Variants in RNF34 observed in about 807,000 individuals in gnomAD.
The protein encoded by RNF34 is ring finger protein 34, also known as E3 ubiquitin-protein ligase RNF34.
Under a neutral mutation model 37.9 loss-of-function variants are expected in RNF34, and 12 were observed. The observed-to-expected ratio is 0.32, with a 90% CI of 0.20 to 0.51. The LOEUF (loss-of-function observed/expected upper bound fraction) is 0.51. RNF34 is among the 20% of genes least tolerant of loss of function. The pLI, the probability that RNF34 is intolerant of heterozygous loss-of-function variation, is 0.97. For synonymous variants in RNF34, 155 were observed against 177.2 expected, an observed-to-expected ratio of 0.87 and a Z score of 1.00; for missense variants, 362 against 472.7, an observed-to-expected ratio of 0.77 and a Z score of 2.17.
chr12:121,421,067 G>A (rs574828140), intron 5 of RNF34, among the ~76,000 whole-genome samples: 16 of 151,962 alleles, frequency 1.1e-4, no homozygotes, highest in African/African-American at 2.7e-4. Context: ...TAAATTCCTC[G>A]TCTCTGTAAA....
chr12:121,413,777 G>A (rs1465458056), intron 1 of RNF34, among the ~76,000 whole-genome samples: 3 of 151,666 alleles, frequency 2.0e-5, no homozygotes, highest in South Asian at 2.1e-4. Flanking sequence ...AGGTTTCACC[G>A]TGTTGGCCAG....
Position 121,423,470 on chromosome 12 carries a change from T to C in RNF34, c.1013T>C (p.Leu338Pro). Residue 338 changes from leucine (L) to proline (P), a missense_variant, in exon 6 of 6, where the codon CTG becomes CCG. By Grantham distance (98) the Leu-to-Pro change is moderately conservative (BLOSUM62 -3). Transcript: ENST00000361234. This position sits in a 1 kb window ranked among gnomAD's most constrained non-coding sequence, Gnocchi z 4.3. ...GATGCCGTCATCGACTGTGTCCTAC[T>C]GGAGTGTGGGCACATGGTTACCTGC... is the stretch of plus-strand genomic sequence containing the variant. ...CMDAVIDCVL[L>P]ECGHMVTCTK... 6.2e-7 allele frequency: 1 copy of C among 1,613,848 alleles called. No individual in the cohort carries two copies.
intron 1 of RNF34, chr12:121,409,716 T>G (rs983866552): frequency 1.3e-5 from 2 of 152,184 alleles, no homozygotes; most frequent in African/African-American, 4.8e-5. Flanking sequence ...ACCATTCTCT[T>G]AAGGGCAGTT....
At chr12:121,411,998 TTTTAAGAG>T (rs1871106105) in intron 1 of RNF34, among the ~76,000 whole-genome samples, 1 of 152,220 alleles carries the variant, frequency 6.6e-6, no homozygotes, top group East Asian at 1.9e-4. Context: ...GTTTTTCCAG[TTTTAAGAG>T]TGCATACTCT....
intron 1 of RNF34, among the ~76,000 whole-genome samples, chr12:121,408,722 A>G (rs951313120): frequency 6.6e-6 from 1 of 152,228 alleles, no homozygotes; most frequent in South Asian, 2.1e-4. Context: ...GGAGGTGAAG[A>G]AGGACAAAAA....
intron 5 of RNF34, among the ~76,000 whole-genome samples, chr12:121,421,459 G>A (rs1872157891): frequency 6.6e-6 from 1 of 151,354 alleles, no homozygotes; most frequent in African/African-American, 2.4e-5. Context: ...AGGCTGAGGG[G>A]GGAGGATTGC....
At chr12:121,405,371 T>G (rs1555280538) in intron 1 of RNF34, among the ~76,000 whole-genome samples, 1 of 151,398 alleles carries the variant, frequency 6.6e-6, no homozygotes, top group African/African-American at 2.5e-5. Context: ...AACTAGCTGG[T>G]AAGCTGCTCT....
chr12:121,413,111 C>T (rs943181792), intron 1 of RNF34, among the ~76,000 whole-genome samples: 2 of 148,570 alleles, frequency 1.3e-5, no homozygotes, highest in African/African-American at 2.6e-5. Context: ...CTGCAACCTC[C>T]GCCTCCCCGG....
intron 3 of RNF34, 150 bp downstream of exon 3, chr12:121,418,061 G>A: frequency 1.2e-6 from 1 of 847,616 alleles, no homozygotes; most frequent in Non-Finnish European, 1.8e-6. Flanking sequence ...TGCACTTAAA[G>A]GCTGTCCTGA....
intron 2 of RNF34, 55 bp downstream of exon 2, chr12:121,416,432 T>C (rs1871582501): frequency 8.3e-7 from 1 of 1,200,530 alleles, no homozygotes; most frequent in Non-Finnish European, 1.2e-6. Context: ...TTCTTGATTG[T>C]AGGTTATTTT....
intron 1 of RNF34, among the ~76,000 whole-genome samples, chr12:121,403,932 C>T (rs753638123): frequency 4.0e-5 from 6 of 150,174 alleles, no homozygotes; most frequent in African/African-American, 9.7e-5. Context: ...TAGACTCTTA[C>T]GAGAAGAGTC....
chr12:121,421,342 G>A (rs1872107893), intron 5 of RNF34, among the ~76,000 whole-genome samples: 1 of 128,462 alleles, frequency 7.8e-6, no homozygotes, highest in Non-Finnish European at 1.6e-5. Flanking sequence ...TTTGAGACCA[G>A]CCTGGGCAAC....
intron 1 of RNF34, among the ~76,000 whole-genome samples, chr12:121,402,188 A>G (rs781873284): frequency 6.6e-6 from 1 of 152,242 alleles, no homozygotes; most frequent in Non-Finnish European, 1.5e-5. Context: ...CTATAATCCC[A>G]GCACTTTGGG....
rs1371165959 is a variant in RNF34 at position 121,402,728 on chromosome 12, T to C, written c.6+2510T>C. The C allele has an allele frequency of 1.9e-6, 3 of 1,563,770 alleles. No individual in the cohort carries two copies. The African/African-American group carries it at 4.1e-5, about 21-fold the overall frequency. ...ACTGAATGTAATTCCTTTTCCTTTTTTTTTCTCTGAAAGGTGGGGGAGTGG... is the reference window on the plus strand; with the variant it reads ...ACTGAATGTAATTCCTTTTCCTTTTCTTTTCTCTGAAAGGTGGGGGAGTGG... On this transcript the variant is annotated intron_variant, in intron 1 of 5. Transcript: ENST00000361234.
rs35925457 is a variant in RNF34 at position 121,421,371 on chromosome 12, T to TACAAAAAAAAAA, written c.928+594_928+595insCAAAAAAAAAAA. Among the ~76,000 whole-genome samples, 4 of 46,378 alleles carry TACAAAAAAAAAA rather than the reference T, an allele frequency of 8.6e-5. 1 individual carries two copies. Among genetic ancestry groups the TACAAAAAAAAAA allele is most frequent in the African/African-American group, 2.7e-4 (4 of 14,724 alleles). The allele number at this position is 46,378 out of a possible 152,430, so 30.4% of individuals were successfully genotyped here. On this transcript the variant is annotated intron_variant, in intron 5 of 5. Transcript: ENST00000361234. Reference sequence around the variant, plus strand: ...GGGCAACATAGAGAGATCCCATCTCTAAAAAAAAAAAAAAAAAAAAAAAAA... The same window carrying TACAAAAAAAAAA: ...GGGCAACATAGAGAGATCCCATCTCTACAAAAAAAAAAAAAAAAAAAAAAAAAAAAAAAAAAA...
intron 1 of RNF34, among the ~76,000 whole-genome samples, chr12:121,413,723 C>T (rs1351519780): frequency 3.3e-5 from 5 of 151,690 alleles, no homozygotes; most frequent in African/African-American, 7.3e-5. Context: ...GACTACAGGC[C>T]CCACCAGCAT....
chr12:121,404,387 CTTTTTTTTTTTT>C lies in RNF34; in HGVS notation c.6+4183_6+4194del, dbSNP rs782225104. Reference sequence around the variant, plus strand: ...CTCTTGTGTCTGGCTGTCATTTAATCTTTTTTTTTTTTTTTTTTTTTTTTTGAGATGGAGTCT... The same window carrying C: ...CTCTTGTGTCTGGCTGTCATTTAATCTTTTTTTTTTTTTGAGATGGAGTCT... On this transcript the variant is annotated intron_variant, in intron 1 of 5. Coordinates refer to ENST00000361234, the MANE Select transcript of RNF34 (RefSeq NM_025126.4). Among the ~76,000 whole-genome samples the C allele has an allele frequency of 7.6e-5, 5 of 65,848 alleles. No individual in the cohort carries two copies. In the East Asian group the frequency reaches 1.7e-3, roughly 23 times the overall value. 43.2% of individuals were successfully genotyped at this position (65,848 alleles called of 152,430 possible). A position where few individuals can be genotyped will look rare whatever the true frequency, so the allele number is the denominator to read the frequency against.
At chr12:121,410,947 GTTTT>G (rs1779455097) in intron 1 of RNF34, among the ~76,000 whole-genome samples, 1 of 152,078 alleles carries the variant, frequency 6.6e-6, no homozygotes, top group South Asian at 2.1e-4. Context: ...TTTGTTGTTT[GTTTT>G]TGAGACAGGG....
chr12:121,408,814 G>A (rs75522792), intron 1 of RNF34, among the ~76,000 whole-genome samples: 1,890 of 152,246 alleles, frequency 0.012, 46 homozygotes, highest in African/African-American at 0.043. Context: ...ACAAGAAAAC[G>A]TGCAGAGGAG....
Sources: allele counts gnomAD v4.1 joint callset (sites outside exome capture counted in the v4.1 genomes callset), GRCh38; gene constraint gnomAD v4.1.1; non-coding constraint Gnocchi (gnomAD v3.1); transcripts MANE v1.5; gene names NCBI Gene and HGNC (gene_info 2026-07-23, HGNC 2026-07-21).